ABCC1: variants seen among roughly 807,000 people sequenced by gnomAD.
ABCC1 encodes ATP binding cassette subfamily C member 1 (ABCC1 blood group), also known as multidrug resistance-associated protein 1.
ABCC1 carries 83 observed loss-of-function variants against 172.9 expected under a neutral mutation model. The observed-to-expected ratio is 0.48, with a 90% CI of 0.40 to 0.58. The LOEUF is 0.58. Ranked by LOEUF, ABCC1 falls within the 20% of genes least tolerant of loss-of-function variation. The probability of loss-of-function intolerance (pLI) is 0.00; values close to 1 mark genes in which losing one functional copy is unlikely to be tolerated. For missense variants in ABCC1, 1,817 were observed against 2,002.7 expected (o/e 0.91, Z 1.77); for synonymous variants, 937 against 825.2 (o/e 1.14, Z -2.32).
chr16:16,112,281 G>A (rs906605892), intron 22 of ABCC1, among the ~76,000 whole-genome samples: 12 of 151,934 alleles, frequency 7.9e-5, no homozygotes, highest in Non-Finnish European at 1.8e-4. Context: ...AAGATTGCTT[G>A]AGCCCAGGAG....
intron 12 of ABCC1, chr16:16,056,554 A>C (rs1274942152): frequency 4.0e-6 from 2 of 505,250 alleles, no homozygotes; most frequent in African/African-American, 3.9e-5. Context: ...CTGTAGTCCC[A>C]GCTACTAGGG....
intron 29 of ABCC1, among the ~76,000 whole-genome samples, chr16:16,137,793 T>A (rs1379891840): frequency 6.6e-6 from 1 of 152,022 alleles, no homozygotes; most frequent in Non-Finnish European, 1.5e-5. Context: ...CCTCAAGCGA[T>A]CCACCCGCCT....
At position 16,139,900 on chromosome 16, in the gene ABCC1, G is replaced by C. The variant is rs45461396; in HGVS notation, c.4488-1273G>C. Among the ~76,000 whole-genome samples, 1,279 of 152,336 alleles carry C rather than the reference G, an allele frequency of 8.4e-3. 17 individuals carry two copies. Among genetic ancestry groups the C allele is most frequent in the African/African-American group, 0.029 (1,201 of 41,578 alleles). On this transcript the variant is annotated intron_variant, in intron 30 of 30. Coordinates refer to ENST00000399410, the MANE Select transcript of ABCC1 (RefSeq NM_004996.4). ...CAGCGATCTGCAACCTTGTTCTTAA[G>C]GGCCGGGGTAGTTTCAGCTTTGTGG...
intron 5 of ABCC1, among the ~76,000 whole-genome samples, chr16:16,029,107 T>A (rs1387292797): frequency 6.6e-6 from 1 of 152,238 alleles, no homozygotes; most frequent in African/African-American, 2.4e-5. Context: ...GAGCGGAGCC[T>A]GATCCTTAGC....
rs781534732 is a variant in ABCC1, at chr16:16,134,505, C to A, written c.4122C>A (p.Pro1374=). 3.1e-6 allele frequency: 5 copies of A among 1,614,136 alleles called. No homozygotes were observed. In the South Asian group the frequency reaches 5.5e-5, roughly 18 times the overall value. ...TCCGCTTCAAGATCACCATCATCCC[C>A]CAGGTGGGGTCTGGGTGTGGCCCAG... ...HDLRFKITII[P]QDPVLFSGSL... is the part of the protein sequence containing the mutation. Residue 1374 remains proline, a synonymous_variant, in exon 28 of 31, where the codon CCC becomes CCA. Coordinates refer to ENST00000399410, the MANE Select transcript of ABCC1 (RefSeq NM_004996.4).
At chr16:15,976,978 C>T (rs2046510282) in intron 1 of ABCC1, among the ~76,000 whole-genome samples, 1 of 152,168 alleles carries the variant, frequency 6.6e-6, no homozygotes, top group Non-Finnish European at 1.5e-5. Context: ...CCTTTCAACC[C>T]TGCCTGCCCC....
At chr16:16,136,311 A>C (rs985533914) in intron 28 of ABCC1, among the ~76,000 whole-genome samples, 167 bp from the exon 29 acceptor site, 1 of 152,102 alleles carries the variant, frequency 6.6e-6, no homozygotes, top group Non-Finnish European at 1.5e-5. Flanking sequence ...GGCGTGAACC[A>C]CCGTACCTGG....
chr16:15,992,328 C>T (rs1003119838), intron 1 of ABCC1, among the ~76,000 whole-genome samples: 1 of 152,060 alleles, frequency 6.6e-6, no homozygotes, highest in East Asian at 1.9e-4. Context: ...GTAATGCACT[C>T]GAATCATCCC....
intron 28 of ABCC1, 111 bp downstream of exon 28, chr16:16,134,619 A>G (rs1034422917): frequency 1.1e-5 from 8 of 757,756 alleles, no homozygotes; most frequent in Admixed American, 8.5e-5. Context: ...GCCCTACTTC[A>G]TCGTTCTTTT....
intron 1 of ABCC1, among the ~76,000 whole-genome samples, chr16:15,958,691 C>A (rs2046060139): frequency 6.6e-6 from 1 of 152,130 alleles, no homozygotes; most frequent in Non-Finnish European, 1.5e-5. Context: ...GGCAAGCTTC[C>A]CCCCGCTTAG....
intron 1 of ABCC1, among the ~76,000 whole-genome samples, chr16:15,958,239 G>A (rs1331795284): frequency 6.6e-6 from 1 of 152,134 alleles, no homozygotes; most frequent in Non-Finnish European, 1.5e-5. Flanking sequence ...CCGAGTAGCT[G>A]GGATTACAGG....
Position 16,089,813 on chromosome 16 carries a change from G to A in ABCC1, c.2461-592G>A, listed in dbSNP as rs376897310. 5.1e-3 allele frequency among the ~76,000 whole-genome samples: 769 copies of A among 150,228 alleles called. 1 individual carries two copies. Among genetic ancestry groups the A allele is most frequent in the Middle Eastern group, 0.018 (5 of 282 alleles). ...CGGGAATTGCTTGAACCCGGGAGGCGGAGGTTGCAGTGAGCCGAGACTGTG... is the reference window on the plus strand; with the variant it reads ...CGGGAATTGCTTGAACCCGGGAGGCAGAGGTTGCAGTGAGCCGAGACTGTG... On this transcript the variant is annotated intron_variant, in intron 18 of 30. Coordinates refer to ENST00000399410, the MANE Select transcript of ABCC1 (RefSeq NM_004996.4).
chr16:15,952,222 G>A (rs1020358472), intron 1 of ABCC1, among the ~76,000 whole-genome samples: 2 of 152,178 alleles, frequency 1.3e-5, no homozygotes, highest in African/African-American at 4.8e-5. Flanking sequence ...GATAAACAAT[G>A]GTTAGTATTA....
At chr16:16,061,772 CTTTTTTTT>C (rs201926082) in intron 12 of ABCC1, among the ~76,000 whole-genome samples, 17 of 116,228 alleles carry the variant, frequency 1.5e-4, no homozygotes, top group East Asian at 1.4e-3. Context: ...TTCTTTTTTT[CTTTTTTTT>C]TTTTTTTTTT....
intron 1 of ABCC1, among the ~76,000 whole-genome samples, chr16:15,983,641 G>C (rs215061): frequency 0.84 from 125,056 of 149,266 alleles, 52,514 homozygotes; most frequent in Non-Finnish European, 0.87. Context: ...CTGTAGCCTT[G>C]ACTTCCCAGG....
chr16:16,049,036 G>A (rs2049326578), intron 10 of ABCC1, among the ~76,000 whole-genome samples: 1 of 151,966 alleles, frequency 6.6e-6, no homozygotes, highest in Admixed American at 6.6e-5. Flanking sequence ...GGGGCTGCAT[G>A]TATCTCAGAA....
At chr16:16,084,856 G>C (rs941711513) in intron 17 of ABCC1, among the ~76,000 whole-genome samples, 4 of 152,114 alleles carry the variant, frequency 2.6e-5, no homozygotes, top group African/African-American at 9.7e-5. Context: ...CCTGGCCTCA[G>C]GTGATCTGCC....
intron 3 of ABCC1, among the ~76,000 whole-genome samples, chr16:16,013,550 T>C (rs910314956): frequency 3.2e-4 from 42 of 130,188 alleles, no homozygotes; most frequent in Non-Finnish European, 4.9e-4. Context: ...CATGAGCCAC[T>C]GCACCTGGCT....
chr16:16,005,601 C>T (rs2047499680), intron 1 of ABCC1, among the ~76,000 whole-genome samples: 1 of 152,142 alleles, frequency 6.6e-6, no homozygotes. Flanking sequence ...CTGCCTCGGC[C>T]TCCCAAAGTG....
Sources: gnomAD v4.1 joint callset for allele counts (sites outside exome capture counted in the v4.1 genomes callset) on GRCh38, gnomAD v4.1.1 for gene constraint, MANE v1.5 for transcripts, NCBI Gene and HGNC (gene_info 2026-07-23, HGNC 2026-07-21) for gene names.